The following RANBP3 variants were observed in gnomAD, a reference collection of about 807,000 sequenced individuals.
RANBP3 encodes the protein RAN binding protein 3.
A neutral mutation model predicts 77.3 loss-of-function variants in RANBP3; 14 were observed. That is an observed-to-expected ratio of 0.18 (90% CI 0.12 to 0.28). RANBP3 has a LOEUF of 0.28. RANBP3 is among the 10% of genes least tolerant of loss of function. The probability of loss-of-function intolerance (pLI) is 1.00; values close to 1 mark genes in which losing one functional copy is unlikely to be tolerated. For missense variants in RANBP3, 586 were observed against 752.3 expected (o/e 0.78, Z 2.59); for synonymous variants, 315 against 312.4 (o/e 1.01, Z -0.09).
At chr19:5,960,679 C>T (rs1370878632) in intron 1 of RANBP3, among the ~76,000 whole-genome samples, 2 of 152,160 alleles carry the variant, frequency 1.3e-5, no homozygotes, top group African/African-American at 2.4e-5. Flanking sequence ...AGAGAGAGAA[C>T]CATTTGGATG....
At chr19:5,926,846 G>C (rs369956164) in intron 9 of RANBP3, among the ~76,000 whole-genome samples, 23 of 152,238 alleles carry the variant, frequency 1.5e-4, no homozygotes, top group African/African-American at 5.1e-4. Context: ...TTCTCGACTT[G>C]GGCTTCTGTT....
chr19:5,972,698 A>C (rs2058544681), intron 1 of RANBP3, among the ~76,000 whole-genome samples: 1 of 151,988 alleles, frequency 6.6e-6, no homozygotes, highest in Non-Finnish European at 1.5e-5. Context: ...GTCTCCCACT[A>C]CACCCAGGCC....
At chr19:5,948,468 AG>A (rs1251207772) in intron 3 of RANBP3, among the ~76,000 whole-genome samples, 1 of 151,712 alleles carries the variant, frequency 6.6e-6, no homozygotes, top group African/African-American at 2.4e-5. Context: ...AAAAAAAAAA[AG>A]ATAAATTCCC....
chr19:5,972,785 C>A (rs1395609126), intron 1 of RANBP3, among the ~76,000 whole-genome samples: 1 of 152,132 alleles, frequency 6.6e-6, no homozygotes, highest in African/African-American at 2.4e-5. Context: ...AAATGCCACT[C>A]GAAGCTCACC....
intron 1 of RANBP3, among the ~76,000 whole-genome samples, chr19:5,966,748 T>C (rs2058472206): frequency 6.6e-6 from 1 of 152,242 alleles, no homozygotes; most frequent in African/African-American, 2.4e-5. Flanking sequence ...CTTTTTCTGT[T>C]TATTCGCCTC....
At chr19:5,923,953 G>T (rs2057865054) in intron 11 of RANBP3, 39 bp from the exon 12 acceptor site, 2 of 1,508,978 alleles carry the variant, frequency 1.3e-6, no homozygotes, top group Middle Eastern at 1.7e-4. Flanking sequence ...GAGGGCACTT[G>T]TGTGGTCCTT....
intron 1 of RANBP3, among the ~76,000 whole-genome samples, chr19:5,964,803 G>A (rs1766905384): frequency 7.3e-6 from 1 of 137,152 alleles, no homozygotes; most frequent in African/African-American, 2.7e-5. Flanking sequence ...GGGACAGACT[G>A]GAAAACAGGG....
In RANBP3 at chr19:5,967,366, G is replaced by A. The variant is rs149003773; in HGVS notation, c.23-9393C>T. ...CATCTTGGCATTACCTTCAACTACC[G>A]AACTCCAAGCCAACTTCCAACCACT... On this transcript the variant is annotated intron_variant, in intron 1 of 16. Coordinates refer to ENST00000340578, the MANE Select transcript of RANBP3 (RefSeq NM_007322.3). Among the ~76,000 whole-genome samples the A allele has an allele frequency of 5.9e-5, 9 of 152,158 alleles. No individual in the cohort carries two copies. The East Asian group carries it at 1.2e-3, about 20-fold the overall frequency.
intron 8 of RANBP3, among the ~76,000 whole-genome samples, chr19:5,929,358 C>T (rs547010679): frequency 1.3e-5 from 2 of 152,396 alleles, no homozygotes; most frequent in South Asian, 2.1e-4. Flanking sequence ...CCAGCAGAAA[C>T]ACTCCCTGGC....
intron 2 of RANBP3, among the ~76,000 whole-genome samples, chr19:5,956,278 T>A (rs867296121): frequency 1.8e-4 from 28 of 152,310 alleles, no homozygotes; most frequent in African/African-American, 6.7e-4. Flanking sequence ...ACCTGAGGAA[T>A]GACTATAACA....
chr19:5,951,208 G>T (rs1456711704), intron 3 of RANBP3, among the ~76,000 whole-genome samples, 185 bp downstream of exon 3: 3 of 152,182 alleles, frequency 2.0e-5, no homozygotes, highest in Non-Finnish European at 2.9e-5. Flanking sequence ...AAGGGGATTC[G>T]ATCTTCCCTG....
At chr19:5,927,100 C>T (rs1289976138) in intron 9 of RANBP3, among the ~76,000 whole-genome samples, 3 of 152,222 alleles carry the variant, frequency 2.0e-5, no homozygotes, top group South Asian at 4.1e-4. Context: ...CCACCGATAC[C>T]GCCTCTCGAG....
chr19:5,923,324 A>C, intron 12 of RANBP3, 21 bp from the exon 13 acceptor site: 1 of 1,598,628 alleles, frequency 6.3e-7, no homozygotes, highest in Non-Finnish European at 8.6e-7. Context: ...ATTGGCCAAA[A>C]AGACTGACTG....
chr19:5,943,853 ACT>A (rs976115991), intron 3 of RANBP3, among the ~76,000 whole-genome samples: 4 of 152,214 alleles, frequency 2.6e-5, no homozygotes, highest in African/African-American at 9.7e-5. Context: ...TGAAAATACC[ACT>A]GAGTCCAAAA....
At chr19:5,918,405 T>TCCCCC (rs2057773033) in intron 15 of RANBP3, 91 bp downstream of exon 15, 7 of 130,764 alleles carry the variant, frequency 5.4e-5, no homozygotes, top group South Asian at 3.6e-4. Context: ...CCCCCTCCCC[T>TCCCCC]CCCCACCGTC....
intron 8 of RANBP3, chr19:5,928,328 C>A (rs911030213): frequency 2.8e-6 from 1 of 363,034 alleles, no homozygotes. Context: ...CTCCAAACAA[C>A]AAGAAACACC....
At chr19:5,972,251 T>C (rs551446393) in intron 1 of RANBP3, among the ~76,000 whole-genome samples, 11 of 152,334 alleles carry the variant, frequency 7.2e-5, no homozygotes, top group African/African-American at 2.2e-4. Flanking sequence ...CAGTTTTGAT[T>C]TTCCCTGACA....
chr19:5,918,556 C>T lies in RANBP3; in HGVS notation c.1413G>A (p.Lys471=), dbSNP rs371183181. 2.2e-5 allele frequency: 35 copies of T among 1,613,712 alleles called. No homozygotes were observed. Among genetic ancestry groups the T allele is most frequent in the Non-Finnish European group, 2.9e-5 (34 of 1,179,932 alleles). ...AQMQIDKASE[K]SIRITAMDTE... ...TGTCCATGGCTGTGATGCGAATGCT[C>T]TTCTCGCTGGCCTTGTCGATCTGCA... is the stretch of plus-strand genomic sequence containing the variant. The change falls in exon 15 of 17, where the codon AAG becomes AAA. Residue 471 remains lysine (K), a synonymous_variant. Coordinates refer to ENST00000340578, the MANE Select transcript of RANBP3 (RefSeq NM_007322.3).
At chr19:5,933,132 A>C in intron 6 of RANBP3, 1 of 414,796 alleles carries the variant, frequency 2.4e-6, no homozygotes, top group Non-Finnish European at 4.3e-6. Flanking sequence ...GGCTGAACCA[A>C]GTGCGCTACT....
Sources: allele counts gnomAD v4.1 joint callset (sites outside exome capture counted in the v4.1 genomes callset), GRCh38; gene constraint gnomAD v4.1.1; transcripts MANE v1.5; gene names NCBI Gene and HGNC (gene_info 2026-07-23, HGNC 2026-07-21).